PACRG: variants seen among roughly 807,000 people sequenced by gnomAD.
PACRG encodes parkin coregulated gene protein.
In PACRG, 29 loss-of-function variants were observed where a neutral mutation model predicts 29.7. The ratio of observed to expected loss-of-function variants is 0.98; its 90% CI spans 0.73 to 1.33. The LOEUF is 1.33. PACRG is among the 40% of genes most tolerant of loss of function. The probability of loss-of-function intolerance (pLI) is 0.00; values close to 1 mark genes in which losing one functional copy is unlikely to be tolerated. For missense variants in PACRG, 279 were observed against 316.2 expected, an observed-to-expected ratio of 0.88 and a Z score of 0.89; for synonymous variants, 116 against 118.7, an observed-to-expected ratio of 0.98 and a Z score of 0.15.
intron 1 of PACRG, among the ~76,000 whole-genome samples, chr6:162,741,778 A>G (rs556826229): frequency 4.6e-5 from 7 of 152,334 alleles, no homozygotes; most frequent in Non-Finnish European, 7.3e-5. Context: ...ATGAAACAAT[A>G]TTTCTATAAA....
intron 4 of PACRG, among the ~76,000 whole-genome samples, chr6:163,297,908 A>G (rs1211299080): frequency 6.6e-6 from 1 of 152,058 alleles, no homozygotes; most frequent in Non-Finnish European, 1.5e-5. Flanking sequence ...ATGACCATCA[A>G]TTCAGCTTCT....
intron 4 of PACRG, among the ~76,000 whole-genome samples, chr6:163,104,149 A>G (rs1815254659): frequency 6.6e-6 from 1 of 152,246 alleles, no homozygotes; most frequent in African/African-American, 2.4e-5. Flanking sequence ...ATGAAGCAAA[A>G]ATGTTTTCAT....
At chr6:163,148,093 G>A (rs753151465) in intron 4 of PACRG, among the ~76,000 whole-genome samples, 3 of 152,202 alleles carry the variant, frequency 2.0e-5, no homozygotes, top group Non-Finnish European at 2.9e-5. Context: ...ACCTGCAGAC[G>A]TGTTAGAAAT....
intron 2 of PACRG, chr6:162,997,520 G>A (rs918118069): frequency 2.4e-6 from 1 of 424,656 alleles, no homozygotes; most frequent in South Asian, 1.7e-5. Flanking sequence ...AATAATGCTG[G>A]AAATTGGAAA....
intron 1 of PACRG, among the ~76,000 whole-genome samples, chr6:162,756,575 G>A (rs534567560): frequency 6.6e-6 from 1 of 152,188 alleles, no homozygotes; most frequent in African/African-American, 2.4e-5. Flanking sequence ...CATGTGGTTG[G>A]ATCTTTTTTT....
intron 4 of PACRG, among the ~76,000 whole-genome samples, chr6:163,201,726 C>T (rs150483307): frequency 2.0e-5 from 3 of 152,356 alleles, no homozygotes; most frequent in African/African-American, 7.2e-5. Flanking sequence ...CTCAGGCCAC[C>T]ACCTCACCTG....
intron 2 of PACRG, among the ~76,000 whole-genome samples, chr6:162,838,563 C>A (rs1002215623): frequency 6.6e-6 from 1 of 152,074 alleles, no homozygotes; most frequent in Non-Finnish European, 1.5e-5. Flanking sequence ...CTTTCCCACA[C>A]TAGTTATTAG....
At chr6:163,260,026 C>T (rs1287896239) in intron 4 of PACRG, among the ~76,000 whole-genome samples, 1 of 152,110 alleles carries the variant, frequency 6.6e-6, no homozygotes, top group East Asian at 1.9e-4. Context: ...ATGAGGGTGC[C>T]CCAGGACACA....
At chr6:162,975,324 A>T (rs1185541255) in intron 2 of PACRG, among the ~76,000 whole-genome samples, 4 of 152,250 alleles carry the variant, frequency 2.6e-5, no homozygotes, top group African/African-American at 4.8e-5. Context: ...GCCCTGATAT[A>T]TGGCAAATGA....
chr6:163,162,322 G>C (rs1778589765), intron 4 of PACRG, among the ~76,000 whole-genome samples: 1 of 152,186 alleles, frequency 6.6e-6, no homozygotes. Context: ...GCTCTGGTGG[G>C]ACCTTGGTTC....
chr6:163,197,403 T>C (rs78190185), intron 4 of PACRG, among the ~76,000 whole-genome samples: 1 of 151,878 alleles, frequency 6.6e-6, no homozygotes, highest in Non-Finnish European at 1.5e-5. Flanking sequence ...CTACTGTCCT[T>C]ATGAAACTGG....
At chr6:162,921,221 G>A (rs529373238) in intron 2 of PACRG, among the ~76,000 whole-genome samples, 3 of 152,152 alleles carry the variant, frequency 2.0e-5, no homozygotes, top group South Asian at 2.1e-4. Context: ...GAGACAGAGT[G>A]GGGAGGGAAG....
chr6:162,902,819 G>A (rs528852522), intron 2 of PACRG, among the ~76,000 whole-genome samples: 3 of 152,292 alleles, frequency 2.0e-5, no homozygotes, highest in South Asian at 4.1e-4. Flanking sequence ...AGGAAATAAA[G>A]TATTCCTCTT....
chr6:162,881,962 G>GGGA (rs1554297474), intron 2 of PACRG, among the ~76,000 whole-genome samples: 2 of 34,896 alleles, frequency 5.7e-5, no homozygotes, highest in Admixed American at 3.3e-4. Flanking sequence ...AGAGATGGGT[G>GGGA]GGGGGGGGCA....
intron 2 of PACRG, among the ~76,000 whole-genome samples, chr6:162,829,075 C>G (rs765693963): frequency 2.6e-5 from 4 of 152,146 alleles, no homozygotes; most frequent in Non-Finnish European, 5.9e-5. Flanking sequence ...ATAAGAAAAA[C>G]CTAAATAGCC....
chr6:162,925,161 G>A (rs1045469849), intron 2 of PACRG, among the ~76,000 whole-genome samples: 11 of 152,102 alleles, frequency 7.2e-5, no homozygotes, highest in South Asian at 2.1e-4. Flanking sequence ...CTGAAATTGA[G>A]GCAGTAATAA....
At chr6:163,288,551 C>T (rs1784473910) in intron 4 of PACRG, among the ~76,000 whole-genome samples, 5 of 152,238 alleles carry the variant, frequency 3.3e-5, no homozygotes, top group Admixed American at 3.3e-4. Context: ...AGTTTCGCGA[C>T]TGTCATACCT....
chr6:163,171,863 T>C (rs1439418207), intron 4 of PACRG, among the ~76,000 whole-genome samples: 1 of 152,032 alleles, frequency 6.6e-6, no homozygotes, highest in Non-Finnish European at 1.5e-5. Context: ...CTTCTGAGAG[T>C]GTGGAAAAGT....
Position 163,088,839 on chromosome 6 carries a change from A to G in PACRG, c.464-420A>G, listed in dbSNP as rs576885239. Among the ~76,000 whole-genome samples the G allele has an allele frequency of 6.6e-5, 10 of 152,282 alleles. No individual in the cohort carries two copies. In the South Asian group the frequency reaches 1.9e-3, roughly 28 times the overall value. ...ACCCTCCTTCCCAAATGTTCGTTCCATGTTAATGGTTTTAAGAATTGTATG... is the reference window on the plus strand; with the variant it reads ...ACCCTCCTTCCCAAATGTTCGTTCCGTGTTAATGGTTTTAAGAATTGTATG... On this transcript the variant is annotated intron_variant, in intron 3 of 4. Transcript: ENST00000366888.
Sources: allele counts gnomAD v4.1 joint callset (sites outside exome capture counted in the v4.1 genomes callset), GRCh38; gene constraint gnomAD v4.1.1; transcripts MANE v1.5; gene names NCBI Gene and HGNC (gene_info 2026-07-23, HGNC 2026-07-21).